The following OSBPL8 variants were observed in gnomAD, a reference collection of about 807,000 sequenced individuals.
OSBPL8 encodes the protein oxysterol-binding protein-related protein 8.
In OSBPL8, 59 loss-of-function variants were observed where a neutral mutation model predicts 125.5. The observed-to-expected ratio is 0.47, with a 90% CI of 0.38 to 0.58. The LOEUF (loss-of-function observed/expected upper bound fraction) is 0.58. Ranked by LOEUF, OSBPL8 falls within the 20% of genes least tolerant of loss-of-function variation. OSBPL8 has a pLI of 0.00. For missense variants in OSBPL8, 758 were observed against 1,047.8 expected (o/e 0.72, Z 3.82); for synonymous variants, 330 against 338.9 (o/e 0.97, Z 0.29).
At chr12:76,436,763 T>C (rs1417543589) in intron 4 of OSBPL8, among the ~76,000 whole-genome samples, 2 of 152,088 alleles carry the variant, frequency 1.3e-5, no homozygotes, top group Non-Finnish European at 2.9e-5. Context: ...AGAATAAACA[T>C]TTATTTTAAA....
intron 21 of OSBPL8, among the ~76,000 whole-genome samples, chr12:76,363,777 T>A (rs1050031633): frequency 1.3e-5 from 2 of 151,954 alleles, no homozygotes; most frequent in Non-Finnish European, 1.5e-5. Flanking sequence ...AAGGCTAATA[T>A]CCAGAATCTA....
Position 76,553,323 on chromosome 12 carries a change from C to A in OSBPL8, c.-68+6074G>T, listed in dbSNP as rs142065661. Among the ~76,000 whole-genome samples, 43 of 152,132 alleles carry A rather than the reference C, an allele frequency of 2.8e-4. No individual in the cohort carries two copies. The East Asian group carries it at 8.3e-3, about 29-fold the overall frequency. ...AAGCAAAAATTACCTTACTGGTGGTCATCTCAACAGGACAGATTTCAACTG... is the reference window on the plus strand; with the variant it reads ...AAGCAAAAATTACCTTACTGGTGGTAATCTCAACAGGACAGATTTCAACTG... On this transcript the variant is annotated intron_variant, in intron 1 of 23. Coordinates refer to ENST00000261183, the MANE Select transcript of OSBPL8 (RefSeq NM_020841.5).
intron 2 of OSBPL8, among the ~76,000 whole-genome samples, chr12:76,482,877 T>C (rs147865941): frequency 2.6e-5 from 4 of 152,196 alleles, no homozygotes; most frequent in Non-Finnish European, 5.9e-5. Context: ...ATCTATACTT[T>C]TTAGTACCTG....
intron 4 of OSBPL8, among the ~76,000 whole-genome samples, chr12:76,443,250 T>A (rs1245579596): frequency 6.6e-6 from 1 of 152,172 alleles, no homozygotes; most frequent in Non-Finnish European, 1.5e-5. Context: ...GCACTATAAT[T>A]GAAAGATGGT....
At chr12:76,540,175 C>G (rs1950602336) in intron 1 of OSBPL8, among the ~76,000 whole-genome samples, 2 of 152,090 alleles carry the variant, frequency 1.3e-5, no homozygotes, top group Non-Finnish European at 1.5e-5. Context: ...ACTTTGAAAT[C>G]CTGGCATTCC....
In OSBPL8 at chr12:76,378,471, C is replaced by T; in HGVS notation, c.1710G>A (p.Met570Ile). Residue 570 changes from methionine (M) to isoleucine (I), a missense_variant, in exon 16 of 24, where the codon ATG (methionine) becomes ATA (isoleucine). Physicochemically the swap from Met to Ile is conservative, Grantham distance 10. Coordinates refer to ENST00000261183, the MANE Select transcript of OSBPL8 (RefSeq NM_020841.5). ...LNRGEDYVMT[M>I]PYAHCKGILY... ...ATTTACCTTTACAATGAGCGTATGG[C>T]ATTGTCATTACATAATCTTCACCTC... 1 of 1,594,908 alleles carries T rather than the reference C, an allele frequency of 6.3e-7. No individual in the cohort carries two copies. The highest frequency in any genetic ancestry group is 8.6e-7 in the Non-Finnish European group (1 of 1,164,846).
chr12:76,401,284 GC>G (rs1368086619), intron 6 of OSBPL8, among the ~76,000 whole-genome samples: 5 of 152,050 alleles, frequency 3.3e-5, no homozygotes, highest in African/African-American at 1.2e-4. Context: ...GTTGTGTTCA[GC>G]ATGCAAAAAG....
At chr12:76,459,991 C>T (rs1874519032) in intron 2 of OSBPL8, 96 bp from the exon 3 acceptor site, 1 of 1,150,116 alleles carries the variant, frequency 8.7e-7, no homozygotes, top group Admixed American at 1.7e-5. Flanking sequence ...AACAAAAGGA[C>T]AAGGAAAATA....
chr12:76,481,580 G>A (rs74821337), intron 2 of OSBPL8, among the ~76,000 whole-genome samples: 6,843 of 152,056 alleles, frequency 0.045, 553 homozygotes, highest in African/African-American at 0.16. Context: ...CAGTGAGCTA[G>A]GATCACACGA....
At chr12:76,501,981 T>C (rs1336480977) in intron 1 of OSBPL8, among the ~76,000 whole-genome samples, 2 of 152,230 alleles carry the variant, frequency 1.3e-5, no homozygotes, top group Non-Finnish European at 2.9e-5. Context: ...AAGAAACTCA[T>C]TTCACAGCAA....
At chr12:76,442,127 C>T (rs1347238354) in intron 4 of OSBPL8, among the ~76,000 whole-genome samples, 2 of 152,118 alleles carry the variant, frequency 1.3e-5, no homozygotes, top group African/African-American at 4.8e-5. Flanking sequence ...TTAATGTTCA[C>T]CTTTCTGCTT....
At chr12:76,399,024 GTGAGATCT>G (rs1953939621) in intron 7 of OSBPL8, among the ~76,000 whole-genome samples, 1 of 152,202 alleles carries the variant, frequency 6.6e-6, no homozygotes, top group Non-Finnish European at 1.5e-5. Flanking sequence ...AAAAACCTAA[GTGAGATCT>G]TGAGCTAATG....
intron 2 of OSBPL8, among the ~76,000 whole-genome samples, chr12:76,462,145 T>C (rs1365168282): frequency 6.6e-6 from 1 of 152,234 alleles, no homozygotes. Flanking sequence ...CAGTCATGTT[T>C]GAAGGTTTTA....
intron 4 of OSBPL8, among the ~76,000 whole-genome samples, chr12:76,414,577 G>C (rs1001158623): frequency 1.3e-5 from 2 of 150,524 alleles, no homozygotes; most frequent in Non-Finnish European, 3.0e-5. Flanking sequence ...ACAGCCTCCT[G>C]AGTAGCTGAG....
At position 76,354,701 on chromosome 12, in the gene OSBPL8, T is replaced by G. The variant is rs987229438; in HGVS notation, c.*1188A>C. The G allele has an allele frequency of 6.6e-6, 1 of 151,930 alleles. No individual in the cohort carries two copies. Among genetic ancestry groups the G allele is most frequent in the African/African-American group, 2.4e-5 (1 of 41,420 alleles). The allele number at this position is 151,930 out of a possible 1,614,324, so 9.4% of individuals were successfully genotyped here. On this transcript the variant is annotated 3_prime_UTR_variant, in exon 24 of 24. Coordinates refer to ENST00000261183, the MANE Select transcript of OSBPL8 (RefSeq NM_020841.5). ...AAACTGAAGAAACAAACAAAAAAAT[T>G]TGCCTTAGCCTGAACAATAGGAATC...
chr12:76,444,992 T>C (rs1438875836), intron 4 of OSBPL8, among the ~76,000 whole-genome samples: 2 of 152,222 alleles, frequency 1.3e-5, no homozygotes, highest in East Asian at 3.8e-4. Context: ...ATTCATATTA[T>C]TTCCCTCAGA....
chr12:76,543,951 C>T (rs1403068841), intron 1 of OSBPL8, among the ~76,000 whole-genome samples: 1 of 152,110 alleles, frequency 6.6e-6, no homozygotes, highest in African/African-American at 2.4e-5. Context: ...AGATTTTGAT[C>T]TTCTTTAACA....
At chr12:76,385,003 T>C (rs1331284042) in intron 14 of OSBPL8, among the ~76,000 whole-genome samples, 1 of 152,206 alleles carries the variant, frequency 6.6e-6, no homozygotes, top group Admixed American at 6.5e-5. Flanking sequence ...TTAGTCTTCA[T>C]ATGGATTACT....
At chr12:76,456,577 C>G (rs1874077774) in intron 3 of OSBPL8, among the ~76,000 whole-genome samples, 1 of 151,828 alleles carries the variant, frequency 6.6e-6, no homozygotes, top group African/African-American at 2.4e-5. Flanking sequence ...TGTCCTTGCA[C>G]TAGGTGACAG....
Sources: allele counts gnomAD v4.1 joint callset (sites outside exome capture counted in the v4.1 genomes callset), GRCh38; gene constraint gnomAD v4.1.1; transcripts MANE v1.5; gene names NCBI Gene and HGNC (gene_info 2026-07-23, HGNC 2026-07-21).